The following GLI2 variants were observed in gnomAD, a reference collection of about 807,000 sequenced individuals.
The protein encoded by GLI2 is GLI family zinc finger 2.
In GLI2, 22 loss-of-function variants were observed where a neutral mutation model predicts 78.9. That is an observed-to-expected ratio of 0.28 (90% CI 0.20 to 0.40). The LOEUF is 0.40. Among genes scored for constraint, GLI2 ranks in the 10% least tolerant of loss-of-function variants. The pLI is 1.00. For missense variants in GLI2, 2,097 were observed against 2,213.2 expected (o/e 0.95, Z 1.05); for synonymous variants, 974 against 963.7 (o/e 1.01, Z -0.20).
chr2:120,852,592 G>A (rs1054336837), intron 2 of GLI2, among the ~76,000 whole-genome samples: 2 of 152,202 alleles, frequency 1.3e-5, no homozygotes, highest in Non-Finnish European at 2.9e-5. Flanking sequence ...CACAGACAGG[G>A]GAGGTAGCTG....
intron 2 of GLI2, among the ~76,000 whole-genome samples, chr2:120,918,056 C>T (rs1190244660): frequency 6.6e-6 from 1 of 152,218 alleles, no homozygotes; most frequent in Non-Finnish European, 1.5e-5. Flanking sequence ...CTCTGTCAAG[C>T]AGTGAGTTTG....
At chr2:120,984,837 C>G in intron 12 of GLI2, 94 bp downstream of exon 12, 2 of 1,330,944 alleles carry the variant, frequency 1.5e-6, no homozygotes, top group African/African-American at 1.4e-5. Flanking sequence ...GCCCTAAGGC[C>G]CCCCTCTAGG....
chr2:120,741,092 G>C (rs544122660), intron 1 of GLI2, among the ~76,000 whole-genome samples: 2 of 152,222 alleles, frequency 1.3e-5, no homozygotes, highest in African/African-American at 4.8e-5. Flanking sequence ...GGTGGGGCGG[G>C]GGGTGTTGTT....
intron 3 of GLI2, among the ~76,000 whole-genome samples, chr2:120,949,135 C>T (rs1680858346): frequency 6.6e-6 from 1 of 152,142 alleles, no homozygotes; most frequent in African/African-American, 2.4e-5. Flanking sequence ...CAGGACCTGC[C>T]CTTGTCCAGG....
At chr2:120,802,433 C>G (rs993464385) in intron 2 of GLI2, among the ~76,000 whole-genome samples, 2 of 152,212 alleles carry the variant, frequency 1.3e-5, no homozygotes, top group Non-Finnish European at 2.9e-5. Flanking sequence ...GTTGTGCTAA[C>G]ACTTTGGAGG....
At chr2:120,947,085 CAG>C (rs1294166712) in intron 3 of GLI2, among the ~76,000 whole-genome samples, 1 of 152,184 alleles carries the variant, frequency 6.6e-6, no homozygotes, top group Non-Finnish European at 1.5e-5. Flanking sequence ...GGACCAGAGA[CAG>C]AGAAGAAGCT....
At chr2:120,844,040 C>A (rs1423885110) in intron 2 of GLI2, among the ~76,000 whole-genome samples, 2 of 152,160 alleles carry the variant, frequency 1.3e-5, no homozygotes, top group Non-Finnish European at 2.9e-5. Flanking sequence ...TGTTTCCCAC[C>A]TTTTACATCA....
chr2:120,850,663 CCT>C (rs374343063), intron 2 of GLI2, among the ~76,000 whole-genome samples: 24 of 152,270 alleles, frequency 1.6e-4, no homozygotes, highest in African/African-American at 5.8e-4. Context: ...GCAGCTGCCC[CCT>C]CTCTACAGTC....
chr2:120,925,262 G>A (rs1393692815), intron 2 of GLI2, among the ~76,000 whole-genome samples: 1 of 152,254 alleles, frequency 6.6e-6, no homozygotes, highest in Non-Finnish European at 1.5e-5. Context: ...TTGAATCAGG[G>A]TGAGAAGATT....
At chr2:120,798,326 C>A (rs1046818732) in intron 2 of GLI2, among the ~76,000 whole-genome samples, 2 of 152,112 alleles carry the variant, frequency 1.3e-5, no homozygotes, top group Non-Finnish European at 1.5e-5. Flanking sequence ...GGTGGAGACC[C>A]CGATTCAATT....
intron 1 of GLI2, among the ~76,000 whole-genome samples, chr2:120,765,094 C>T (rs758070173): frequency 2.0e-5 from 3 of 152,224 alleles, no homozygotes; most frequent in Admixed American, 6.5e-5. Context: ...CCTCCTACCC[C>T]CTTCAGGAGG....
intron 3 of GLI2, among the ~76,000 whole-genome samples, chr2:120,934,760 G>A (rs1680113645): frequency 6.6e-6 from 1 of 152,186 alleles, no homozygotes; most frequent in Non-Finnish European, 1.5e-5. Context: ...TAATGGGGAT[G>A]TTTAGCCGGG....
chr2:120,977,092 C>T (rs1682489961), intron 9 of GLI2, among the ~76,000 whole-genome samples: 1 of 152,150 alleles, frequency 6.6e-6, no homozygotes, highest in Non-Finnish European at 1.5e-5. Flanking sequence ...GACAGTTGGG[C>T]GAGTCGCACA....
intron 2 of GLI2, among the ~76,000 whole-genome samples, chr2:120,912,498 G>A (rs1256251912): frequency 3.3e-5 from 5 of 152,076 alleles, no homozygotes; most frequent in South Asian, 4.1e-4. Flanking sequence ...GGTGGACACC[G>A]TATCCCAGCA....
At chr2:120,976,745 C>T (rs1168590675) in intron 9 of GLI2, among the ~76,000 whole-genome samples, 5 of 152,164 alleles carry the variant, frequency 3.3e-5, no homozygotes, top group Non-Finnish European at 7.3e-5. Context: ...TCTGCCTGTG[C>T]CCTGGACTGT....
intron 1 of GLI2, among the ~76,000 whole-genome samples, chr2:120,741,083 G>A (rs1682523125): frequency 6.6e-6 from 1 of 152,228 alleles, no homozygotes. Flanking sequence ...CTTGGGGGAG[G>A]TGGGGCGGGG....
At chr2:120,948,107 A>G (rs1461089639) in intron 3 of GLI2, among the ~76,000 whole-genome samples, 1 of 152,206 alleles carries the variant, frequency 6.6e-6, no homozygotes, top group South Asian at 2.1e-4. Context: ...TAGTGCCTCG[A>G]TGAGGGAGTC....
intron 2 of GLI2, among the ~76,000 whole-genome samples, chr2:120,872,761 TA>T (rs1688531801): frequency 2.0e-5 from 3 of 152,202 alleles, no homozygotes; most frequent in Non-Finnish European, 4.4e-5. Flanking sequence ...AATCCATAGG[TA>T]TTATTGGCGT....
At position 120,736,150 on chromosome 2, in the gene GLI2, C is replaced by G. The variant is rs1232600303; in HGVS notation, c.-166C>G. 6.6e-6 allele frequency: 1 copy of G among 151,882 alleles called. No homozygotes were observed. The highest frequency in any genetic ancestry group is 1.5e-5 in the Non-Finnish European group (1 of 67,976). 9.4% of individuals were successfully genotyped at this position (151,882 alleles called of 1,614,324 possible). ...CCTCTCTTGCCTGGCCCGCCCCGCC[C>G]CGGCTGGCTGGAGCCCCGGCACAAG... is the stretch of plus-strand genomic sequence containing the variant. On this transcript the variant is annotated 5_prime_UTR_variant, in exon 1 of 14. Transcript: ENST00000361492.
Sources: allele counts gnomAD v4.1 joint callset (sites outside exome capture counted in the v4.1 genomes callset), GRCh38; gene constraint gnomAD v4.1.1; transcripts MANE v1.5; gene names NCBI Gene and HGNC (gene_info 2026-07-23, HGNC 2026-07-21).